The following ELAVL4 variants were observed in gnomAD, a reference collection of about 807,000 sequenced individuals.
ELAVL4 encodes the protein ELAV like RNA binding protein 4, also known as ELAV-like protein 4.
In ELAVL4, 1 loss-of-function variant was observed where a neutral mutation model predicts 35.6. The observed-to-expected ratio is 0.03, with a 90% CI of 0.01 to 0.13. The LOEUF (loss-of-function observed/expected upper bound fraction) is 0.13. Ranked by LOEUF, ELAVL4 falls within the 10% of genes least tolerant of loss-of-function variation. The pLI is 1.00. For missense variants in ELAVL4, 267 were observed against 464.9 expected, an observed-to-expected ratio of 0.57 and a Z score of 3.91; for synonymous variants, 156 against 171.0, an observed-to-expected ratio of 0.91 and a Z score of 0.69.
chr1:50,068,242 C>A (rs1188487662), intron 1 of ELAVL4, among the ~76,000 whole-genome samples: 1 of 152,136 alleles, frequency 6.6e-6, no homozygotes, highest in African/African-American at 2.4e-5. Context: ...TTCCTGAAAT[C>A]TAAGACCATG....
chr1:50,105,100 T>C (rs1052620778), upstream of ELAVL4, among the ~76,000 whole-genome samples: 1 of 152,234 alleles, frequency 6.6e-6, no homozygotes, highest in African/African-American at 2.4e-5. Flanking sequence ...GTGTCTTTAC[T>C]TTTAAGCTTT....
chr1:50,175,145 T>A (rs1679766805), intron 2 of ELAVL4, among the ~76,000 whole-genome samples: 1 of 152,154 alleles, frequency 6.6e-6, no homozygotes. Flanking sequence ...AATACTTTTG[T>A]ACAGCAATTT....
intron 2 of ELAVL4, among the ~76,000 whole-genome samples, chr1:50,156,289 A>G (rs1210413210): frequency 1.3e-5 from 2 of 152,250 alleles, no homozygotes; most frequent in African/African-American, 2.4e-5. Context: ...CACAGTAGAG[A>G]AGATAAATCT....
At chr1:50,101,740 C>G (rs1000402917), upstream of ELAVL4, among the ~76,000 whole-genome samples, 1 of 151,940 alleles carries the variant, frequency 6.6e-6, no homozygotes, top group Non-Finnish European at 1.5e-5. Context: ...ACCCCTATCT[C>G]TACCAAAAAA....
At chr1:50,177,575 G>A (rs975755403) in intron 3 of ELAVL4, among the ~76,000 whole-genome samples, 1 of 152,206 alleles carries the variant, frequency 6.6e-6, no homozygotes, top group Admixed American at 6.5e-5. Context: ...AATGTAAGAC[G>A]TTGTGAGCAG....
chr1:50,086,476 T>TTATATATATATATATATATATA (rs35215248), intron 1 of ELAVL4, among the ~76,000 whole-genome samples: 2 of 144,374 alleles, frequency 1.4e-5, no homozygotes, highest in African/African-American at 5.1e-5. Flanking sequence ...CATTCAGCTT[T>TTATATATATATATATATATATA]TATATATATA....
At chr1:50,067,357 C>G (rs1442480381) in intron 1 of ELAVL4, among the ~76,000 whole-genome samples, 1 of 152,072 alleles carries the variant, frequency 6.6e-6, no homozygotes, top group Non-Finnish European at 1.5e-5. Flanking sequence ...AGTAGGGAAC[C>G]ATATCATGTA....
intron 1 of ELAVL4, among the ~76,000 whole-genome samples, chr1:50,123,861 G>T (rs1229362959): frequency 6.6e-6 from 1 of 152,126 alleles, no homozygotes; most frequent in South Asian, 2.1e-4. Flanking sequence ...TTAACTCACT[G>T]TGGGTTGTAG....
At chr1:50,078,204 G>A (rs1664853597) in intron 1 of ELAVL4, among the ~76,000 whole-genome samples, 1 of 151,802 alleles carries the variant, frequency 6.6e-6, no homozygotes, top group Non-Finnish European at 1.5e-5. Flanking sequence ...TGGTGGTGAT[G>A]ACGACAGTGA....
chr1:50,174,824 G>C (rs2148819414), intron 2 of ELAVL4: 1 of 152,190 alleles, frequency 6.6e-6, no homozygotes, highest in Non-Finnish European at 1.5e-5. Context: ...AGTAATTTTA[G>C]AAAGATGGAT....
chr1:50,111,917 G>A (rs1667141387), intron 1 of ELAVL4, among the ~76,000 whole-genome samples: 2 of 151,958 alleles, frequency 1.3e-5, no homozygotes, highest in South Asian at 4.2e-4. Context: ...GATCTGTTAG[G>A]GTTTTTTACT....
intron 1 of ELAVL4, among the ~76,000 whole-genome samples, chr1:50,081,005 G>C (rs1036192981): frequency 1.4e-4 from 21 of 152,104 alleles, no homozygotes; most frequent in African/African-American, 5.1e-4. Context: ...TTTGTTCTTG[G>C]CTTTAAGAAG....
intron 1 of ELAVL4, among the ~76,000 whole-genome samples, chr1:50,085,483 G>A (rs1477001470): frequency 1.3e-5 from 2 of 152,132 alleles, no homozygotes; most frequent in Non-Finnish European, 2.9e-5. Flanking sequence ...TCTATTTTCA[G>A]CCTTCATAAT....
At chr1:50,148,266 A>G (rs1328040556) in intron 2 of ELAVL4, among the ~76,000 whole-genome samples, 19 of 152,180 alleles carry the variant, frequency 1.2e-4, no homozygotes, top group Non-Finnish European at 4.4e-5. Flanking sequence ...TACAGGGTAA[A>G]GACCCTGCCT....
rs144127720 is a variant in ELAVL4 at position 50,186,800 on chromosome 1, G to A, written c.355-6965G>A. On this transcript the variant is annotated intron_variant, in intron 3 of 6. Transcript: ENST00000371824. ...ACTCCCATCACAAAATGGCACAATC[G>A]GAACTCATTAGAACCATTTCCATGA... 5.3e-5 allele frequency among the ~76,000 whole-genome samples: 8 copies of A among 151,418 alleles called. No homozygotes were observed. In the East Asian group the frequency reaches 9.8e-4, roughly 19 times the overall value.
At chr1:50,168,999 T>A (rs1321533966) in intron 2 of ELAVL4, among the ~76,000 whole-genome samples, 6 of 149,836 alleles carry the variant, frequency 4.0e-5, no homozygotes, top group African/African-American at 1.5e-4. Flanking sequence ...TATATATATA[T>A]AAAGAGGAGT....
chr1:50,133,295 T>C (rs1671172654), intron 1 of ELAVL4, among the ~76,000 whole-genome samples: 1 of 152,166 alleles, frequency 6.6e-6, no homozygotes, highest in Admixed American at 6.6e-5. Context: ...TCACTGCATC[T>C]TAGAACTTGA....
intron 6 of ELAVL4, 26 bp downstream of exon 6, chr1:50,197,493 G>A: frequency 6.4e-7 from 1 of 1,557,212 alleles, no homozygotes; most frequent in Non-Finnish European, 8.7e-7. Context: ...CAGATTGCCA[G>A]ATGTCCATGT....
In ELAVL4 at chr1:50,202,676, T is replaced by C. The variant is rs887806120; in HGVS notation, c.*1498T>C. The stretch of plus-strand genomic sequence containing the variant: ...TGTATGTGTATATACAATATAAATA[T>C]ATATATATAAAGTTATTTTTTCTTT... On this transcript the variant is annotated 3_prime_UTR_variant, in exon 7 of 7. Transcript: ENST00000371824. The C allele has an allele frequency of 7.2e-5, 11 of 151,968 alleles. No homozygotes were observed. The highest frequency in any genetic ancestry group is 2.7e-4 in the African/African-American group (11 of 41,434). 9.4% of individuals were successfully genotyped at this position (151,968 alleles called of 1,614,324 possible).
Sources: gnomAD v4.1 joint callset for allele counts (sites outside exome capture counted in the v4.1 genomes callset) on GRCh38, gnomAD v4.1.1 for gene constraint, MANE v1.5 for transcripts, NCBI Gene and HGNC (gene_info 2026-07-23, HGNC 2026-07-21) for gene names.